The following KCNJ12 variants were observed in gnomAD, a reference collection of about 807,000 sequenced individuals.
The protein encoded by KCNJ12 is potassium inwardly rectifying channel subfamily J member 12, also known as ATP-sensitive inward rectifier potassium channel 12.
In KCNJ12, 2 loss-of-function variants were observed where a neutral mutation model predicts 22.3. That is an observed-to-expected ratio of 0.09 (90% CI 0.04 to 0.28). The LOEUF (loss-of-function observed/expected upper bound fraction) is 0.28, where lower values mean the gene tolerates loss of function less well. KCNJ12 is among the 10% of genes least tolerant of loss of function. The pLI is 1.00. For synonymous variants in KCNJ12, 117 were observed against 261.4 expected, an observed-to-expected ratio of 0.45 and a Z score of 5.33; for missense variants, 155 against 633.3, an observed-to-expected ratio of 0.24 and a Z score of 8.11.
intron 1 of KCNJ12, among the ~76,000 whole-genome samples, chr17:21,385,592 C>T (rs1017791481): frequency 1.6e-4 from 24 of 152,168 alleles, no homozygotes; most frequent in Non-Finnish European, 8.8e-5. Context: ...AGGAGGTAGC[C>T]GTGGAGTGGC....
chr17:21,390,627 C>CT (rs1336250406), intron 1 of KCNJ12, among the ~76,000 whole-genome samples: 8 of 152,184 alleles, frequency 5.3e-5, no homozygotes, highest in Admixed American at 2.0e-4. Flanking sequence ...TCTTTCTTTC[C>CT]TTCCCTCCTT....
chr17:21,386,104 C>G (rs1421831973), intron 1 of KCNJ12, among the ~76,000 whole-genome samples: 1 of 152,248 alleles, frequency 6.6e-6, no homozygotes, highest in East Asian at 1.9e-4. Context: ...CCATAACAGA[C>G]TGGGTGGCCT....
intron 1 of KCNJ12, among the ~76,000 whole-genome samples, chr17:21,392,492 C>G (rs1905234128): frequency 6.6e-6 from 1 of 152,224 alleles, no homozygotes; most frequent in South Asian, 2.1e-4. Flanking sequence ...GGGCAGGGGC[C>G]CAGCTGGTCC....
intron 1 of KCNJ12, among the ~76,000 whole-genome samples, chr17:21,383,398 G>A (rs528846585): frequency 9.2e-5 from 14 of 151,700 alleles, no homozygotes; most frequent in Admixed American, 2.6e-4. Context: ...GCTGGGGGGC[G>A]CCGAGGCCAG....
rs1907010566 is a variant in KCNJ12 at position 21,419,195 on chromosome 17, G to A, written c.*2551G>A. 1 of 167,054 alleles carries A rather than the reference G, an allele frequency of 6.0e-6. No individual in the cohort carries two copies. Among genetic ancestry groups the A allele is most frequent in the Non-Finnish European group, 1.5e-5 (1 of 68,160 alleles). The allele number at this position is 167,054 out of a possible 1,614,324, so 10.3% of individuals were successfully genotyped here. On this transcript the variant is annotated 3_prime_UTR_variant, in exon 3 of 3. Coordinates refer to ENST00000583088, the MANE Select transcript of KCNJ12 (RefSeq NM_021012.5). The stretch of plus-strand genomic sequence containing the variant: ...CTGGGGAGTGTGTGTGTGGAGGCGT[G>A]TGCCTGTGTGAGCCTGCATGCATAC...
intron 1 of KCNJ12, among the ~76,000 whole-genome samples, chr17:21,378,383 C>G (rs1262963367): frequency 1.3e-5 from 2 of 152,222 alleles, no homozygotes; most frequent in Non-Finnish European, 2.9e-5. Context: ...GGACCGCCCC[C>G]CCCAACAAAA....
rs1907011717 is a variant in KCNJ12, at chr17:21,419,212, C to G, written c.*2568C>G. 1 of 166,824 alleles carries G rather than the reference C, an allele frequency of 6.0e-6. No individual in the cohort carries two copies. Among genetic ancestry groups the G allele is most frequent in the Non-Finnish European group, 1.5e-5 (1 of 68,120 alleles). 10.3% of individuals were successfully genotyped at this position (166,824 alleles called of 1,614,324 possible). The stretch of plus-strand genomic sequence containing the variant: ...GGAGGCGTGTGCCTGTGTGAGCCTG[C>G]ATGCATACATGTGTGGTGCACACAT... On this transcript the variant is annotated 3_prime_UTR_variant, in exon 3 of 3. Coordinates refer to ENST00000583088, the MANE Select transcript of KCNJ12 (RefSeq NM_021012.5).
chr17:21,402,722 C>A (rs1371662099), intron 1 of KCNJ12, among the ~76,000 whole-genome samples: 1 of 152,306 alleles, frequency 6.6e-6, no homozygotes, highest in Non-Finnish European at 1.5e-5. Context: ...GTAACGTGCT[C>A]CCCTACAGAG....
intron 2 of KCNJ12, among the ~76,000 whole-genome samples, chr17:21,411,758 T>A (rs1555561665): frequency 6.6e-6 from 1 of 152,428 alleles, no homozygotes; most frequent in East Asian, 1.9e-4. Context: ...ATGCACCCCA[T>A]TGAGCAAGAG....
intron 1 of KCNJ12, among the ~76,000 whole-genome samples, chr17:21,383,248 C>T (rs1398053260): frequency 6.6e-6 from 1 of 152,202 alleles, no homozygotes. Flanking sequence ...CGGCTCCAGG[C>T]CTGCAATTCT....
At chr17:21,401,060 C>A (rs1453090459) in intron 1 of KCNJ12, among the ~76,000 whole-genome samples, 1 of 152,304 alleles carries the variant, frequency 6.6e-6, no homozygotes, top group African/African-American at 2.4e-5. Context: ...ATCAAGTTCA[C>A]AAAGCCCTGG....
chr17:21,382,902 A>G (rs1904924731), intron 1 of KCNJ12, among the ~76,000 whole-genome samples: 1 of 152,198 alleles, frequency 6.6e-6, no homozygotes, highest in Admixed American at 6.5e-5. Context: ...AAGGGTGTAC[A>G]GGAGGGTGCG....
intron 1 of KCNJ12, among the ~76,000 whole-genome samples, chr17:21,398,222 G>A (rs1303459910): frequency 1.3e-5 from 2 of 152,142 alleles, no homozygotes; most frequent in South Asian, 2.1e-4. Context: ...GAGGAAGAAC[G>A]CAGGCCCGAG....
chr17:21,380,478 C>A (rs1904826622), intron 1 of KCNJ12, among the ~76,000 whole-genome samples: 1 of 152,172 alleles, frequency 6.6e-6, no homozygotes, highest in Non-Finnish European at 1.5e-5. Flanking sequence ...GCAAGAGAGG[C>A]AGATGTTGCC....
intron 1 of KCNJ12, among the ~76,000 whole-genome samples, chr17:21,402,799 C>T (rs1393879986): frequency 7.0e-4 from 107 of 152,404 alleles, no homozygotes; most frequent in Non-Finnish European, 8.2e-4. Flanking sequence ...ATAAATGCAC[C>T]CCTCAAGCTG....
chr17:21,417,199 G>T lies in KCNJ12; in HGVS notation c.*555G>T. The T allele has an allele frequency of 5.9e-6, 1 of 168,664 alleles. No individual in the cohort carries two copies. 10.4% of individuals were successfully genotyped at this position (168,664 alleles called of 1,614,324 possible). ...CAGCAGCTGGCTGAAGGCTCCAGAG[G>T]GTTCCCCGAGGTGGGACTGGCCTCT... On this transcript the variant is annotated 3_prime_UTR_variant, in exon 3 of 3. Transcript: ENST00000583088.
At position 21,399,193 on chromosome 17, in the gene KCNJ12, C is replaced by T. The variant is rs528650745; in HGVS notation, c.-178-9326C>T. Among the ~76,000 whole-genome samples, 240 of 152,330 alleles carry T rather than the reference C, an allele frequency of 1.6e-3. 2 individuals are homozygous for T. The highest frequency in any genetic ancestry group is 5.5e-3 in the African/African-American group (227 of 41,578). On this transcript the variant is annotated intron_variant, in intron 1 of 2. Transcript: ENST00000583088. ...GCCTGCTTCTGGCCTTGCACCCCAG[C>T]GACTGTGTGCATGCGCCCTTCCCAG...
Position 21,416,822 on chromosome 17 carries a change from C to T in KCNJ12, c.*178C>T, listed in dbSNP as rs1396560619. 4 of 1,167,630 alleles carry T rather than the reference C, an allele frequency of 3.4e-6. No individual in the cohort carries two copies. The highest frequency in any genetic ancestry group is 4.7e-6 in the Non-Finnish European group (4 of 844,952). The allele number at this position is 1,167,630 out of a possible 1,614,324, so 72.3% of individuals were successfully genotyped here. On this transcript the variant is annotated 3_prime_UTR_variant, in exon 3 of 3. Coordinates refer to ENST00000583088, the MANE Select transcript of KCNJ12 (RefSeq NM_021012.5). ...AGAAGTTTGGCCGGAGAGGGGGCAG[C>T]CAGAGCGGCAGCCCCCGGCCTCAGA... is the stretch of plus-strand genomic sequence containing the variant.
chr17:21,388,922 AC>A (rs1905141597), intron 1 of KCNJ12, among the ~76,000 whole-genome samples: 1 of 152,150 alleles, frequency 6.6e-6, no homozygotes, highest in Non-Finnish European at 1.5e-5. Context: ...GCGTTTTGCC[AC>A]TGAGATGTCT....
Sources: gnomAD v4.1 joint callset for allele counts (sites outside exome capture counted in the v4.1 genomes callset) on GRCh38, gnomAD v4.1.1 for gene constraint, MANE v1.5 for transcripts, NCBI Gene and HGNC (gene_info 2026-07-23, HGNC 2026-07-21) for gene names.